Variants in PCDH8 observed in about 807,000 individuals in gnomAD.
PCDH8 encodes the protein protocadherin 8, also known as protocadherin-8.
A neutral mutation model predicts 58.2 loss-of-function variants in PCDH8; 36 were observed. The observed-to-expected ratio is 0.62, with a 90% CI of 0.47 to 0.82. PCDH8 has a LOEUF of 0.82. Ranked by LOEUF, PCDH8 falls within the 40% of genes least tolerant of loss-of-function variation. The pLI is 0.00. For missense variants in PCDH8, 1,493 were observed against 1,567.8 expected, an observed-to-expected ratio of 0.95 and a Z score of 0.81; for synonymous variants, 775 against 728.9, an observed-to-expected ratio of 1.06 and a Z score of -1.02.
chr13:52,846,455 G>A lies in PCDH8; in HGVS notation c.1982C>T (p.Ala661Val). The change falls in exon 1 of 3, where the codon GCC becomes GTC. Residue 661 changes from alanine to valine, a missense_variant. Ala to Val is a moderately conservative substitution (Grantham distance 64, BLOSUM62 0). Around this residue, in one of 3 missense-constraint regions of PCDH8, gnomAD observed 1,307 missense variants for 1,362.7 expected, o/e 0.96. Coordinates refer to ENST00000377942, the MANE Select transcript of PCDH8 (RefSeq NM_002590.4). ...FELQQQEPRE[A>V]FAIGRRTGEI... Reference sequence around the variant, plus strand: ...CCCCGTGCGGCGGCCGATGGCGAAGGCTTCGCGCGGCTCCTGCTGCTGCAG... The same window carrying A: ...CCCCGTGCGGCGGCCGATGGCGAAGACTTCGCGCGGCTCCTGCTGCTGCAG... 6.3e-7 allele frequency: 1 copy of A among 1,599,062 alleles called. No individual in the cohort carries two copies. The highest frequency in any genetic ancestry group is 1.1e-5 in the South Asian group (1 of 90,920).
rs746502768 is a variant in PCDH8, at chr13:52,847,925, G to C, written c.512C>G (p.Thr171Ser). The C allele has an allele frequency of 3.1e-5, 49 of 1,601,914 alleles. No homozygotes were observed. Among genetic ancestry groups the C allele is most frequent in the Non-Finnish European group, 4.1e-5 (48 of 1,176,578 alleles). ...DEDVGANGLQ[T>S]VRLAEPHSPF... Reference sequence around the variant, plus strand: ...GCTGTGCGGCTCGGCCAGGCGCACGGTCTGCAGCCCGTTGGCGCCCACGTC... The same window carrying C: ...GCTGTGCGGCTCGGCCAGGCGCACGCTCTGCAGCCCGTTGGCGCCCACGTC... Residue 171 changes from threonine (T) to serine (S), a missense_variant, in exon 1 of 3, where the codon ACC (threonine) becomes AGC (serine). By Grantham distance (58) the Thr-to-Ser change is moderately conservative. Around this residue, in one of 3 missense-constraint regions of PCDH8, gnomAD observed 1,307 missense variants for 1,362.7 expected, o/e 0.96. Transcript: ENST00000377942.
rs1965686505 is a variant in PCDH8 at position 52,843,209 on chromosome 13, G to A, written c.*1351C>T. On this transcript the variant is annotated 3_prime_UTR_variant, in exon 3 of 3. Transcript: ENST00000377942. Reference sequence around the variant, plus strand: ...TAAGACATAGGCATAGTACTCTTGAGTGTCTTTTTTTAAGACTTTCCATTA... The same window carrying A: ...TAAGACATAGGCATAGTACTCTTGAATGTCTTTTTTTAAGACTTTCCATTA... 6.6e-6 allele frequency: 1 copy of A among 152,148 alleles called. No individual in the cohort carries two copies. The highest frequency in any genetic ancestry group is 1.5e-5 in the Non-Finnish European group (1 of 68,022). The allele number at this position is 152,148 out of a possible 1,614,324, so 9.4% of individuals were successfully genotyped here.
Position 52,847,057 on chromosome 13 carries a change from G to T in PCDH8, c.1380C>A (p.Ile460=), listed in dbSNP as rs767413582. The T allele has an allele frequency of 6.4e-7, 1 of 1,563,704 alleles. No individual in the cohort carries two copies. The highest frequency in any genetic ancestry group is 1.2e-5 in the South Asian group (1 of 84,604). Residue 460 remains isoleucine (I), a synonymous_variant, in exon 1 of 3, where the codon ATC becomes ATA. Transcript: ENST00000377942. ...VTAASLDRER[I]AEYNLTLVAE... ...CCACCAGCGTCAAGTTGTACTCGGC[G>T]ATGCGTTCGCGGTCCAGCGACGCCG...
chr13:52,846,131 G>T lies in PCDH8; in HGVS notation c.2306C>A (p.Ala769Asp). The T allele has an allele frequency of 6.3e-7, 1 of 1,582,606 alleles. No individual in the cohort carries two copies. Residue 769 changes from alanine (A) to aspartate (D), a missense_variant, in exon 1 of 3, where the codon GCC (alanine) becomes GAC (aspartate). Ala to Asp is a moderately radical substitution (Grantham distance 126, BLOSUM62 -2). Transcript: ENST00000377942. ...GCGGCGGTTGCAGGTGGTGGCGATG[G>T]CGATGATGGCGGCCAGCAGCAGCGT... is the stretch of plus-strand genomic sequence containing the variant. ...SCTLLLAAIIAIATTCNRRKK... is the reference protein window; with the variant it reads ...SCTLLLAAIIDIATTCNRRKK...
chr13:52,844,670 G>A lies in PCDH8; in HGVS notation c.3103C>T (p.Pro1035Ser). The A allele has an allele frequency of 6.2e-7, 1 of 1,614,126 alleles. No individual in the cohort carries two copies. The change falls in exon 3 of 3, where the codon CCT becomes TCT. Residue 1035 changes from proline (P) to serine (S), a missense_variant. Physicochemically the swap from Pro to Ser is moderately conservative, Grantham distance 74. Transcript: ENST00000377942. The stretch of plus-strand genomic sequence containing the variant: ...TCTGGGAGCCTCCCTGGACGGGGAG[G>A]GGAGAGCAGAGTGACTGTCCTGTCA... ...DYDRTVTLLS[P>S]PRPGRLPDLQ... is the part of the protein sequence containing the mutation.
chr13:52,847,374 C>A lies in PCDH8; in HGVS notation c.1063G>T (p.Ala355Ser). Reference sequence around the variant, plus strand: ...CCTGGGGCGGCCAGCGGGGTGATGGCGATGTCGGGTGCGTTGTCATTGACG... The same window carrying A: ...CCTGGGGCGGCCAGCGGGGTGATGGAGATGTCGGGTGCGTTGTCATTGACG... ...RDVNDNAPDIAITPLAAPGAP... is the reference protein window; with the variant it reads ...RDVNDNAPDISITPLAAPGAP... The change falls in exon 1 of 3, where the codon GCC becomes TCC. Residue 355 changes from alanine (A) to serine (S), a missense_variant. This residue lies in a region of PCDH8 where 1,307 missense variants were observed against 1,362.7 expected (regional missense o/e 0.96). Coordinates refer to ENST00000377942, the MANE Select transcript of PCDH8 (RefSeq NM_002590.4). The A allele has an allele frequency of 6.6e-7, 1 of 1,519,104 alleles. No homozygotes were observed. 94.1% of individuals were successfully genotyped at this position (1,519,104 alleles called of 1,614,324 possible).
rs1259405527 is a variant in PCDH8 at position 52,847,093 on chromosome 13, C to T, written c.1344G>A (p.Leu448=). The T allele has an allele frequency of 2.6e-6, 4 of 1,566,840 alleles. No individual in the cohort carries two copies. The East Asian group carries it at 7.2e-5, about 28-fold the overall frequency. The change falls in exon 1 of 3, where the codon CTG becomes CTA. Residue 448 remains leucine (L), a synonymous_variant. Transcript: ENST00000377942. ...RLQPAYAGSY[L]VVTAASLDRE... ...GGTCCAGCGACGCCGCGGTCACCACCAGGTAGCTGCCCGCGTAGGCCGGCT... is the reference window on the plus strand; with the variant it reads ...GGTCCAGCGACGCCGCGGTCACCACTAGGTAGCTGCCCGCGTAGGCCGGCT...
At position 52,846,695 on chromosome 13, in the gene PCDH8, G is replaced by C; in HGVS notation, c.1742C>G (p.Ala581Gly). 6.3e-7 allele frequency: 1 copy of C among 1,599,794 alleles called. No homozygotes were observed. Among genetic ancestry groups the C allele is most frequent in the South Asian group, 1.1e-5 (1 of 89,792 alleles). The change falls in exon 1 of 3, where the codon GCT (alanine) becomes GGT (glycine). Residue 581 changes from alanine (A) to glycine (G), a missense_variant. Coordinates refer to ENST00000377942, the MANE Select transcript of PCDH8 (RefSeq NM_002590.4). ...TLRQLDVRIQASDGGSPQLSS... is the reference protein window; with the variant it reads ...TLRQLDVRIQGSDGGSPQLSS... ...AAGCTGAGGGGAGCCGCCGTCGCTA[G>C]CTTGGATGCGAACGTCGAGTTGGCG...
At position 52,847,310 on chromosome 13, in the gene PCDH8, G is replaced by A. The variant is rs1419371240; in HGVS notation, c.1127C>T (p.Ala376Val). 7.1e-7 allele frequency: 1 copy of A among 1,405,182 alleles called. No homozygotes were observed. Among genetic ancestry groups the A allele is most frequent in the Admixed American group, 3.4e-5 (1 of 29,628 alleles). The allele number at this position is 1,405,182 out of a possible 1,614,324, so 87.0% of individuals were successfully genotyped here. ...ATSPFAAAAA[A>V]AALGGADASS... Reference sequence around the variant, plus strand: ...AGCGTCCGCTCCCCCGAGTGCAGCGGCGGCGGCGGCAGCGGCGAAGGGTGA... The same window carrying A: ...AGCGTCCGCTCCCCCGAGTGCAGCGACGGCGGCGGCAGCGGCGAAGGGTGA... Residue 376 changes from alanine (A) to valine (V), a missense_variant, in exon 1 of 3, where the codon GCC (alanine) becomes GTC (valine). Ala to Val is a moderately conservative substitution (Grantham distance 64). Transcript: ENST00000377942.
rs1051382619 is a variant in PCDH8 at position 52,848,500 on chromosome 13, T to C, written c.-64A>G. 6 of 1,508,078 alleles carry C rather than the reference T, an allele frequency of 4.0e-6. No individual in the cohort carries two copies. Among genetic ancestry groups the C allele is most frequent in the Non-Finnish European group, 5.3e-6 (6 of 1,133,956 alleles). 93.4% of individuals were successfully genotyped at this position (1,508,078 alleles called of 1,614,324 possible). A position where few individuals can be genotyped will look rare whatever the true frequency, so the allele number is the denominator to read the frequency against. ...TCTTCTCTGGTTTCCAGGTCGGGCG[T>C]CAGTCTCAGGCTCTCGGAATCACGC... is the stretch of plus-strand genomic sequence containing the variant. On this transcript the variant is annotated 5_prime_UTR_variant, in exon 1 of 3. Transcript: ENST00000377942.
chr13:52,847,816 G>T lies in PCDH8; in HGVS notation c.621C>A (p.Ser207Arg). The change falls in exon 1 of 3, where the codon AGC becomes AGA. Residue 207 changes from serine to arginine, a missense_variant. Ser to Arg is a moderately radical substitution (Grantham distance 110). Around this residue, in one of 3 missense-constraint regions of PCDH8, gnomAD observed 1,307 missense variants for 1,362.7 expected, o/e 0.96. Coordinates refer to ENST00000377942, the MANE Select transcript of PCDH8 (RefSeq NM_002590.4). ...CCAGCTCCAGGCTGTAGGCGGCCTG[G>T]CTCTCGCGGTCCAGCTCCTGCAGCA... ...LVLLQELDRE[S>R]QAAYSLELVA... is the part of the protein sequence containing the mutation. 6.7e-7 allele frequency: 1 copy of T among 1,486,924 alleles called. No homozygotes were observed. Among genetic ancestry groups the T allele is most frequent in the South Asian group, 1.3e-5 (1 of 74,244 alleles). The allele number at this position is 1,486,924 out of a possible 1,614,324, so 92.1% of individuals were successfully genotyped here. A position where few individuals can be genotyped will look rare whatever the true frequency, so the allele number is the denominator to read the frequency against.
Position 52,844,825 on chromosome 13 carries a change from T to C in PCDH8, c.2948A>G (p.Gln983Arg). 3 of 1,612,326 alleles carry C rather than the reference T, an allele frequency of 1.9e-6. No individual in the cohort carries two copies. Among genetic ancestry groups the C allele is most frequent in the Non-Finnish European group, 2.5e-6 (3 of 1,179,162 alleles). Residue 983 changes from glutamine to arginine, a missense_variant, in exon 3 of 3, where the codon CAG becomes CGG. Physicochemically the swap from Gln to Arg is conservative, Grantham distance 43. Coordinates refer to ENST00000377942, the MANE Select transcript of PCDH8 (RefSeq NM_002590.4). ...CGTGCTCTTACAGAAGGTTGACATC[T>C]GGGCTGGTGGGTGAGGCGATGGATG... Reference protein sequence around the residue: ...NAHPSPHPPAQMSTFCKSTSL... With the variant: ...NAHPSPHPPARMSTFCKSTSL...
chr13:52,844,777 C>T lies in PCDH8; in HGVS notation c.2996G>A (p.Arg999His), dbSNP rs1456708909. The change falls in exon 3 of 3, where the codon CGC (arginine) becomes CAC (histidine). Residue 999 changes from arginine (R) to histidine (H), a missense_variant. Around this residue, in one of 3 missense-constraint regions of PCDH8, gnomAD observed 182 missense variants for 178.9 expected, o/e 1.02. Coordinates refer to ENST00000377942, the MANE Select transcript of PCDH8 (RefSeq NM_002590.4). Reference protein sequence around the residue: ...KSTSLPRDPLRRDNYYQAQLP... With the variant: ...KSTSLPRDPLHRDNYYQAQLP... Reference sequence around the variant, plus strand: ...CTGGGCCTGGTAGTAATTGTCCCTGCGCAGAGGATCCCGAGGCAGTGACGT... The same window carrying T: ...CTGGGCCTGGTAGTAATTGTCCCTGTGCAGAGGATCCCGAGGCAGTGACGT... 11 of 1,613,086 alleles carry T rather than the reference C, an allele frequency of 6.8e-6. No homozygotes were observed. Among genetic ancestry groups the T allele is most frequent in the African/African-American group, 1.3e-5 (1 of 74,890 alleles).
At position 52,848,441 on chromosome 13, in the gene PCDH8, C is replaced by A; in HGVS notation, c.-5G>T. 1 of 1,587,866 alleles carries A rather than the reference C, an allele frequency of 6.3e-7. No homozygotes were observed. On this transcript the variant is annotated 5_prime_UTR_variant, in exon 1 of 3. Coordinates refer to ENST00000377942, the MANE Select transcript of PCDH8 (RefSeq NM_002590.4). ...CCAACGCCTCACAGGACTCATGCCT[C>A]CAGCCTCAAGTGCGATCCGAAAGGC...
In PCDH8 at chr13:52,846,845, T is replaced by C. The variant is rs1965747138; in HGVS notation, c.1592A>G (p.Gln531Arg). The C allele has an allele frequency of 6.5e-7, 1 of 1,548,540 alleles. No homozygotes were observed. Among genetic ancestry groups the C allele is most frequent in the Non-Finnish European group, 8.7e-7 (1 of 1,152,582 alleles). ...ARDRDLGRNG[Q>R]VTYRLLEAEV... Reference sequence around the variant, plus strand: ...GGCCTCCAGCAGCCGGTAGGTGACCTGGCCGTTGCGGCCCAGGTCCCGGTC... The same window carrying C: ...GGCCTCCAGCAGCCGGTAGGTGACCCGGCCGTTGCGGCCCAGGTCCCGGTC... The change falls in exon 1 of 3, where the codon CAG (glutamine) becomes CGG (arginine). Residue 531 changes from glutamine to arginine, a missense_variant. Transcript: ENST00000377942.
In PCDH8 at chr13:52,843,164, C is replaced by G. The variant is rs1255238738; in HGVS notation, c.*1396G>C. On this transcript the variant is annotated 3_prime_UTR_variant, in exon 3 of 3. Transcript: ENST00000377942. The stretch of plus-strand genomic sequence containing the variant: ...ATTATGCTTATCATCATTTTAATTT[C>G]AAATGAAATCCATAGAGTATAAGAC... The G allele has an allele frequency of 6.6e-6, 1 of 152,178 alleles. No homozygotes were observed. The highest frequency in any genetic ancestry group is 2.4e-5 in the African/African-American group (1 of 41,426). 9.4% of individuals were successfully genotyped at this position (152,178 alleles called of 1,614,324 possible).
At position 52,847,108 on chromosome 13, in the gene PCDH8, G is replaced by C; in HGVS notation, c.1329C>G (p.Tyr443Ter). 1 of 1,559,216 alleles carries C rather than the reference G, an allele frequency of 6.4e-7. No homozygotes were observed. ...GHEHFRLQPAYAGSYLVVTAA... is the reference protein window; with the variant it reads ...GHEHFRLQPA ...CGGTCACCACCAGGTAGCTGCCCGC[G>C]TAGGCCGGCTGCAGCCGGAAGTGCT... is the stretch of plus-strand genomic sequence containing the variant. Residue 443 changes from tyrosine (Y) to a stop codon, truncating the protein, a stop_gained, in exon 1 of 3, where the codon TAC (tyrosine) becomes TAG (stop). Transcript: ENST00000377942. LOFTEE classifies it high-confidence loss of function.
rs748722398 is a variant in PCDH8, at chr13:52,846,340, C to T, written c.2097G>A (p.Pro699=). The change falls in exon 1 of 3, where the codon CCG becomes CCA. Residue 699 remains proline, a synonymous_variant. Transcript: ENST00000377942. ...AGCTGACAGTTGCGGTGGTGGTGAG[C>T]GGGGGACGGCCGCCGTCGGATATGA... ...LLVISDGGRP[P]LTTTATVSFV... The T allele has an allele frequency of 2.6e-6, 4 of 1,564,920 alleles. No individual in the cohort carries two copies. Among genetic ancestry groups the T allele is most frequent in the Non-Finnish European group, 3.5e-6 (4 of 1,157,228 alleles).
chr13:52,845,352 G>T, intron 2 of PCDH8, 73 bp downstream of exon 2: 1 of 1,391,408 alleles, frequency 7.2e-7, no homozygotes. Flanking sequence ...AACCGAGATT[G>T]AGAGGAGGCA....
Sources: gnomAD v4.1 joint callset for allele counts on GRCh38, gnomAD v4.1.1 for gene constraint, gnomAD v4.1.1 regional missense constraint, MANE v1.5 for transcripts, NCBI Gene and HGNC (gene_info 2026-07-23, HGNC 2026-07-21) for gene names.